KLF12: variants seen among roughly 807,000 people sequenced by gnomAD.
KLF12 encodes the protein Krueppel-like factor 12.
In KLF12, 9 loss-of-function variants were observed where a neutral mutation model predicts 37.8. The observed-to-expected ratio is 0.24, with a 90% CI of 0.14 to 0.42. The LOEUF is 0.42. Among genes scored for constraint, KLF12 ranks in the 10% least tolerant of loss-of-function variants. The probability of loss-of-function intolerance (pLI) is 1.00; values close to 1 mark genes in which losing one functional copy is unlikely to be tolerated. For synonymous variants in KLF12, 208 were observed against 202.1 expected (o/e 1.03, Z -0.25); for missense variants, 411 against 516.0 (o/e 0.80, Z 1.97).
intron 4 of KLF12, among the ~76,000 whole-genome samples, chr13:73,837,180 G>A (rs910844688): frequency 3.3e-5 from 5 of 152,028 alleles, no homozygotes; most frequent in African/African-American, 9.7e-5. Flanking sequence ...GCAGGGAGGT[G>A]GGAGGAGCTA....
intron 3 of KLF12, among the ~76,000 whole-genome samples, chr13:73,929,728 A>G (rs181035516): frequency 0.01 from 1,556 of 152,298 alleles, 18 homozygotes; most frequent in East Asian, 0.032. Context: ...CAGAAATGTC[A>G]CAGCCTCTGC....
chr13:74,194,503 G>A, the KLF12 span, among the ~76,000 whole-genome samples: 1 of 152,184 alleles, frequency 6.6e-6, no homozygotes, highest in Non-Finnish European at 1.5e-5. Context: ...TCATAGGGCA[G>A]GAGGGAGGAC....
chr13:73,846,317 A>G lies in KLF12; in HGVS notation c.180T>C (p.Asn60=), dbSNP rs1219063328. Residue 60 remains asparagine, a synonymous_variant, in exon 4 of 8, where the codon AAT becomes AAC. Transcript: ENST00000377669. ...AGTCCTCCGGGGGCTCCCCTTTCAC[A>G]TTATTTAGCAACAGGGGAACGGCTT... The G allele has an allele frequency of 1.2e-6, 2 of 1,613,846 alleles. No homozygotes were observed. The highest frequency in any genetic ancestry group is 1.7e-5 in the Admixed American group (1 of 59,994).
At chr13:74,159,421 AAAAT>A in the KLF12 span, among the ~76,000 whole-genome samples, 1 of 152,260 alleles carries the variant, frequency 6.6e-6, no homozygotes, top group Non-Finnish European at 1.5e-5. Context: ...AAATGTAAGA[AAAAT>A]AAATAAAGGA....
At chr13:73,792,058 G>A (rs1881716943) in intron 5 of KLF12, among the ~76,000 whole-genome samples, 1 of 152,182 alleles carries the variant, frequency 6.6e-6, no homozygotes, top group South Asian at 2.1e-4. Context: ...CAGGCCAAGA[G>A]ACACAAACCC....
chr13:73,947,615 C>A (rs1890485320), intron 2 of KLF12, among the ~76,000 whole-genome samples: 2 of 136,298 alleles, frequency 1.5e-5, no homozygotes, highest in South Asian at 2.4e-4. Context: ...GGTGCCACTG[C>A]ACTCCAGCCT....
chr13:74,065,065 T>TA (rs1164204406), intron 1 of KLF12, among the ~76,000 whole-genome samples: 1 of 152,118 alleles, frequency 6.6e-6, no homozygotes, highest in East Asian at 1.9e-4. Context: ...CATATATACA[T>TA]AGACACAAAC....
chr13:74,122,099 T>C (rs376265580), intron 1 of KLF12, among the ~76,000 whole-genome samples: 2 of 152,060 alleles, frequency 1.3e-5, no homozygotes, highest in South Asian at 4.1e-4. Flanking sequence ...ATTGCTTATA[T>C]ATTTTAAAGG....
At chr13:74,272,454 A>G in the KLF12 span, among the ~76,000 whole-genome samples, 1 of 152,192 alleles carries the variant, frequency 6.6e-6, no homozygotes, top group African/African-American at 2.4e-5. Flanking sequence ...TCAAACTTAA[A>G]TGTTACAAGT....
intron 3 of KLF12, among the ~76,000 whole-genome samples, chr13:73,884,187 G>A (rs759574698): frequency 3.9e-5 from 6 of 152,186 alleles, no homozygotes; most frequent in Non-Finnish European, 7.3e-5. Context: ...CCCTCCTAAA[G>A]TTGTTCTGAG....
At chr13:74,128,123 A>C (rs1040091918) in intron 1 of KLF12, among the ~76,000 whole-genome samples, 2 of 152,138 alleles carry the variant, frequency 1.3e-5, no homozygotes, top group Non-Finnish European at 2.9e-5. Context: ...ACAAGCTTGG[A>C]TACTTCACCT....
chr13:73,897,650 C>T (rs899816984), intron 3 of KLF12, among the ~76,000 whole-genome samples: 2 of 152,162 alleles, frequency 1.3e-5, no homozygotes, highest in Non-Finnish European at 2.9e-5. Flanking sequence ...CTCTTCACAC[C>T]TGTTACACAT....
chr13:74,071,824 A>G (rs751889792), intron 1 of KLF12, among the ~76,000 whole-genome samples: 1 of 152,226 alleles, frequency 6.6e-6, no homozygotes, highest in African/African-American at 2.4e-5. Context: ...TACAGGGGAG[A>G]AAACTGATTG....
the KLF12 span, chr13:74,257,289 C>T: frequency 6.6e-6 from 1 of 152,322 alleles, no homozygotes; most frequent in African/African-American, 2.4e-5. Context: ...ACAGCAAGTT[C>T]CCTGAATTTT....
intron 4 of KLF12, among the ~76,000 whole-genome samples, chr13:73,841,962 A>G (rs570909578): frequency 6.6e-6 from 1 of 152,194 alleles, no homozygotes; most frequent in African/African-American, 2.4e-5. Context: ...TTCATATCAC[A>G]TATTATATCC....
At chr13:74,166,030 T>C in the KLF12 span, among the ~76,000 whole-genome samples, 1 of 151,626 alleles carries the variant, frequency 6.6e-6, no homozygotes, top group Non-Finnish European at 1.5e-5. Flanking sequence ...GTTTAATTGC[T>C]GGTTGTTAGT....
At chr13:74,012,361 A>G (rs1892572491) in intron 1 of KLF12, among the ~76,000 whole-genome samples, 1 of 152,196 alleles carries the variant, frequency 6.6e-6, no homozygotes, top group Non-Finnish European at 1.5e-5. Flanking sequence ...TTAAAACGAA[A>G]AGAGTCCCAG....
intron 5 of KLF12, among the ~76,000 whole-genome samples, chr13:73,780,274 G>A (rs146512763): frequency 1.3e-5 from 2 of 152,248 alleles, no homozygotes; most frequent in East Asian, 3.9e-4. Context: ...TTGGGAAACA[G>A]GTGGTGTTTG....
chr13:74,283,645 T>C, the KLF12 span, among the ~76,000 whole-genome samples: 2 of 152,190 alleles, frequency 1.3e-5, no homozygotes, highest in Non-Finnish European at 1.5e-5. Flanking sequence ...TTTTCATTCC[T>C]TATTCCATAA....
Sources: gnomAD v4.1 joint callset for allele counts (sites outside exome capture counted in the v4.1 genomes callset) on GRCh38, gnomAD v4.1.1 for gene constraint, MANE v1.5 for transcripts, NCBI Gene and HGNC (gene_info 2026-07-23, HGNC 2026-07-21) for gene names.